The following SMG6 variants were observed in gnomAD, a reference collection of about 807,000 sequenced individuals.
The protein encoded by SMG6 is SMG6 nonsense mediated mRNA decay factor, also known as telomerase-binding protein EST1A.
Under a neutral mutation model 142.2 loss-of-function variants are expected in SMG6, and 66 were observed. The ratio of observed to expected loss-of-function variants is 0.46; its 90% CI spans 0.38 to 0.57. The LOEUF (loss-of-function observed/expected upper bound fraction) is 0.57. SMG6 is among the 20% of genes least tolerant of loss of function. The pLI is 0.00. For synonymous variants in SMG6, 779 were observed against 702.4 expected, an observed-to-expected ratio of 1.11 and a Z score of -1.72; for missense variants, 1,793 against 1,832.0, an observed-to-expected ratio of 0.98 and a Z score of 0.39.
chr17:2,252,594 T>C (rs1254892896), intron 8 of SMG6, among the ~76,000 whole-genome samples: 10 of 152,192 alleles, frequency 6.6e-5, no homozygotes, highest in Non-Finnish European at 5.9e-5. Flanking sequence ...GTCACATAAA[T>C]CTTCTAGGGC....
At chr17:2,131,656 C>A (rs1333111735) in intron 13 of SMG6, among the ~76,000 whole-genome samples, 1 of 152,082 alleles carries the variant, frequency 6.6e-6, no homozygotes, top group Admixed American at 6.6e-5. Context: ...ATTTGTCACA[C>A]AAATTTTTAT....
In SMG6 at chr17:2,065,136, T is replaced by C. The variant is rs765469722; in HGVS notation, c.4066A>G (p.Ile1356Val). The change falls in exon 18 of 19, where the codon ATC becomes GTC. Residue 1356 changes from isoleucine (I) to valine (V), a missense_variant. By Grantham distance (29) the Ile-to-Val change is conservative. Coordinates refer to ENST00000263073, the MANE Select transcript of SMG6 (RefSeq NM_017575.5). ...CAGTAGTGGAGGCAGCAGGACAGGA[T>C]GAGATCATCGTTGTTACCCTGGAGG... Reference protein sequence around the residue: ...TGQLGNNDDLILSCCLHYCKD... With the variant: ...TGQLGNNDDLVLSCCLHYCKD... The C allele has an allele frequency of 6.4e-7, 1 of 1,571,412 alleles. No homozygotes were observed. The highest frequency in any genetic ancestry group is 8.7e-7 in the Non-Finnish European group (1 of 1,143,636).
chr17:2,135,561 A>G (rs1328371969), intron 13 of SMG6, among the ~76,000 whole-genome samples: 1 of 152,230 alleles, frequency 6.6e-6, no homozygotes. Context: ...TATGGCAATA[A>G]TGGAAATGTT....
chr17:2,096,980 C>T (rs916857278), intron 13 of SMG6, among the ~76,000 whole-genome samples: 3 of 152,102 alleles, frequency 2.0e-5, no homozygotes, highest in Admixed American at 2.0e-4. Context: ...TTCTTTTGTC[C>T]TTTGGTTGGA....
At chr17:2,302,925 A>C (rs1227213233) in intron 1 of SMG6, 1 of 980,010 alleles carries the variant, frequency 1.0e-6, no homozygotes. Flanking sequence ...ACTGGCCGCA[A>C]ACCTAGAGAA....
chr17:2,301,807 A>G (rs2075284577), intron 1 of SMG6, among the ~76,000 whole-genome samples: 1 of 152,184 alleles, frequency 6.6e-6, no homozygotes, highest in Non-Finnish European at 1.5e-5. Context: ...GCGCCAGTGC[A>G]CTCCAGCCCA....
In SMG6 at chr17:2,299,482, G is replaced by C; in HGVS notation, c.1271C>G (p.Ser424Cys). 6.2e-7 allele frequency: 1 copy of C among 1,614,178 alleles called. No homozygotes were observed. The highest frequency in any genetic ancestry group is 8.5e-7 in the Non-Finnish European group (1 of 1,180,022). The change falls in exon 2 of 19, where the codon TCT (serine) becomes TGT (cysteine). Residue 424 changes from serine to cysteine, a missense_variant. By Grantham distance (112) the Ser-to-Cys change is moderately radical. Coordinates refer to ENST00000263073, the MANE Select transcript of SMG6 (RefSeq NM_017575.5). This position sits in a 1 kb window ranked among gnomAD's most constrained non-coding sequence, Gnocchi z 4.3. ...AGGTCCCAAAGGCGCGGACTCTGGA[G>C]AACCTGCTGAATTGACAGATAGGGT... Reference protein sequence around the residue: ...HTTLSVNSAGSPESAPLGPRL... With the variant: ...HTTLSVNSAGCPESAPLGPRL...
rs1027776264 is a variant in SMG6, at chr17:2,181,716, A to G, written c.3155+4947T>C. 2.0e-5 allele frequency among the ~76,000 whole-genome samples: 3 copies of G among 152,198 alleles called. No individual in the cohort carries two copies. The East Asian group carries it at 5.8e-4, about 29-fold the overall frequency. ...CCCAGAATGTGAAGCCCAGCCGGGG[A>G]TGGCTGTAGCTTGGACCACGTGCCT... On this transcript the variant is annotated intron_variant, in intron 12 of 18. Coordinates refer to ENST00000263073, the MANE Select transcript of SMG6 (RefSeq NM_017575.5).
At chr17:2,240,308 G>A (rs1340300160) in intron 9 of SMG6, 2 of 152,100 alleles carry the variant, frequency 1.3e-5, no homozygotes, top group Admixed American at 1.3e-4. Flanking sequence ...AACCGAGCAG[G>A]ACTCAGCCCT....
At chr17:2,134,935 C>T (rs185715193) in intron 13 of SMG6, among the ~76,000 whole-genome samples, 2 of 151,876 alleles carry the variant, frequency 1.3e-5, no homozygotes, top group African/African-American at 4.8e-5. Flanking sequence ...GCTGGAGTTC[C>T]GTGGCACGAA....
At chr17:2,216,672 T>C (rs1470700825) in intron 10 of SMG6, among the ~76,000 whole-genome samples, 1 of 152,216 alleles carries the variant, frequency 6.6e-6, no homozygotes, top group Non-Finnish European at 1.5e-5. Context: ...TGGCCCTTTT[T>C]TGTGAGAATA....
intron 13 of SMG6, among the ~76,000 whole-genome samples, chr17:2,135,994 TTATG>T (rs751112624): frequency 6.1e-5 from 6 of 98,852 alleles, no homozygotes; most frequent in African/African-American, 1.6e-4. Context: ...ATATATATAT[TTATG>T]TGTGTGTGTG....
chr17:2,233,860 G>C (rs887625610), intron 10 of SMG6, among the ~76,000 whole-genome samples: 3 of 152,194 alleles, frequency 2.0e-5, no homozygotes, highest in Non-Finnish European at 2.9e-5. Context: ...AGCGGGGTCT[G>C]GATGGCCACC....
chr17:2,299,787 T>C lies in SMG6; in HGVS notation c.966A>G (p.Glu322=), dbSNP rs61741997. The change falls in exon 2 of 19, where the codon GAA becomes GAG. Residue 322 remains glutamate, a synonymous_variant. Coordinates refer to ENST00000263073, the MANE Select transcript of SMG6 (RefSeq NM_017575.5). This position sits in a 1 kb window ranked among gnomAD's most constrained non-coding sequence, Gnocchi z 4.3. ...PDGLGPRRSS[E]RKRHLERNWS... is the part of the protein sequence containing the mutation. Reference sequence around the variant, plus strand: ...AGTTTCTTTCTAAATGTCTCTTCCTTTCTGAACTTCTCCTGGGTCCTAATC... The same window carrying C: ...AGTTTCTTTCTAAATGTCTCTTCCTCTCTGAACTTCTCCTGGGTCCTAATC... 76 of 1,614,230 alleles carry C rather than the reference T, an allele frequency of 4.7e-5. No homozygotes were observed. In the African/African-American group the frequency reaches 8.0e-4, roughly 17 times the overall value.
In SMG6 at chr17:2,254,070, A is replaced by T. The variant is rs193273983; in HGVS notation, c.2662-9351T>A. Reference sequence around the variant, plus strand: ...CCACCAGCTTAGCATCTCCAGGTACACAGAAAAAGAGAAAGAAAGTTCAGC... The same window carrying T: ...CCACCAGCTTAGCATCTCCAGGTACTCAGAAAAAGAGAAAGAAAGTTCAGC... On this transcript the variant is annotated intron_variant, in intron 8 of 18. Coordinates refer to ENST00000263073, the MANE Select transcript of SMG6 (RefSeq NM_017575.5). Among the ~76,000 whole-genome samples, 450 of 152,354 alleles carry T rather than the reference A, an allele frequency of 3.0e-3. 8 individuals are homozygous for T. The highest frequency in any genetic ancestry group is 7.3e-4 in the Non-Finnish European group (50 of 68,032).
chr17:2,103,482 G>A (rs894036094), intron 13 of SMG6, among the ~76,000 whole-genome samples: 8 of 152,136 alleles, frequency 5.3e-5, no homozygotes, highest in Non-Finnish European at 7.4e-5. Context: ...AAGAAACAGC[G>A]GACCAGTTTA....
At chr17:2,230,482 C>A (rs1183208967) in intron 10 of SMG6, among the ~76,000 whole-genome samples, 1 of 152,042 alleles carries the variant, frequency 6.6e-6, no homozygotes, top group African/African-American at 2.4e-5. Flanking sequence ...AAAACAAAGA[C>A]CATTTCTTCA....
intron 13 of SMG6, among the ~76,000 whole-genome samples, chr17:2,132,156 A>G (rs2070143293): frequency 6.6e-6 from 1 of 152,158 alleles, no homozygotes; most frequent in African/African-American, 2.4e-5. Context: ...TACAGGCATG[A>G]GCCACCACGC....
chr17:2,179,062 G>C (rs756309789), intron 12 of SMG6, among the ~76,000 whole-genome samples: 29 of 152,198 alleles, frequency 1.9e-4, no homozygotes, highest in Non-Finnish European at 3.5e-4. Flanking sequence ...GGAGGGGACA[G>C]GGGCTCCTGC....
Sources: gnomAD v4.1 joint callset for allele counts (sites outside exome capture counted in the v4.1 genomes callset) on GRCh38, gnomAD v4.1.1 for gene constraint, Gnocchi (gnomAD v3.1) non-coding constraint, MANE v1.5 for transcripts, NCBI Gene and HGNC (gene_info 2026-07-23, HGNC 2026-07-21) for gene names.